Variants in HPS1 observed in about 807,000 individuals in gnomAD.
The protein encoded by HPS1 is HPS1 biogenesis of lysosomal organelles complex 3 subunit 1, also known as BLOC-3 complex member HPS1.
Under a neutral mutation model 90.6 loss-of-function variants are expected in HPS1, and 59 were observed. That is an observed-to-expected ratio of 0.65 (90% CI 0.53 to 0.81). HPS1 has a LOEUF of 0.81. HPS1 is among the 30% of genes least tolerant of loss of function. The pLI is 0.00. For synonymous variants in HPS1, 388 were observed against 384.4 expected (o/e 1.01, Z -0.11); for missense variants, 849 against 896.7 (o/e 0.95, Z 0.68).
At position 98,430,194 on chromosome 10, in the gene HPS1, T is replaced by C. The variant is rs183289608; in HGVS notation, c.769-305A>G. 4.6e-5 allele frequency among the ~76,000 whole-genome samples: 7 copies of C among 152,288 alleles called. No individual in the cohort carries two copies. In the East Asian group the frequency reaches 1.4e-3, roughly 29 times the overall value. On this transcript the variant is annotated intron_variant, in intron 8 of 19. Transcript: ENST00000361490. ...TCACTATGCCCCAGGCAGTGCCAGG[T>C]TCTGTGGGAACCACCCCTTTTGTCC...
At chr10:98,428,650 C>T (rs565262015) in intron 10 of HPS1, among the ~76,000 whole-genome samples, 6 of 151,816 alleles carry the variant, frequency 4.0e-5, no homozygotes, top group Middle Eastern at 7.0e-3. Context: ...CTCCTGAAAC[C>T]CTGGCCTTCT....
At chr10:98,441,259 A>G (rs1316567648) in intron 3 of HPS1, among the ~76,000 whole-genome samples, 4 of 152,256 alleles carry the variant, frequency 2.6e-5, no homozygotes, top group African/African-American at 9.6e-5. Context: ...TGTAGAGTGG[A>G]AATTATGTAA....
chr10:98,443,838 G>T (rs1337943156), intron 2 of HPS1, among the ~76,000 whole-genome samples: 1 of 152,150 alleles, frequency 6.6e-6, no homozygotes, highest in Non-Finnish European at 1.5e-5. Flanking sequence ...TTCGAGACCA[G>T]CCTGGCCAAC....
rs759073147 is a variant in HPS1, at chr10:98,417,637, G to A, written c.2030C>T (p.Thr677Ile). ...LLALHLSVIP[T>I]DLLVQQAGQL... Reference sequence around the variant, plus strand: ...GCCGGCCTGCTGCACCAGCAGGTCAGTGGGGATGACAGACAGGTGCAGGGC... The same window carrying A: ...GCCGGCCTGCTGCACCAGCAGGTCAATGGGGATGACAGACAGGTGCAGGGC... Residue 677 changes from threonine to isoleucine, a missense_variant, in exon 20 of 20, where the codon ACT becomes ATT. Transcript: ENST00000361490. This position sits in a 1 kb window ranked among gnomAD's most constrained non-coding sequence, Gnocchi z 4.2. The A allele has an allele frequency of 6.2e-6, 10 of 1,613,702 alleles. No individual in the cohort carries two copies. Among genetic ancestry groups the A allele is most frequent in the Non-Finnish European group, 8.5e-6 (10 of 1,179,954 alleles).
intron 3 of HPS1, among the ~76,000 whole-genome samples, chr10:98,440,244 C>A (rs969327147): frequency 6.6e-6 from 1 of 152,134 alleles, no homozygotes; most frequent in African/African-American, 2.4e-5. Flanking sequence ...AGTACAATAT[C>A]TTTGAATGGC....
rs549043987 is a variant in HPS1, at chr10:98,445,632, G to C, written c.-105-228C>G. On this transcript the variant is annotated intron_variant, in intron 1 of 19. Coordinates refer to ENST00000361490, the MANE Select transcript of HPS1 (RefSeq NM_000195.5). This position sits in a 1 kb window ranked among gnomAD's most constrained non-coding sequence, Gnocchi z 4.5. ...TTGCACAGAGCAGGTGCCCACTTTT[G>C]TTCCTTCCTCCTTTGTTCCCATGAA... Among the ~76,000 whole-genome samples the C allele has an allele frequency of 6.6e-6, 1 of 152,278 alleles. No homozygotes were observed. The highest frequency in any genetic ancestry group is 6.5e-5 in the Admixed American group (1 of 15,310).
chr10:98,420,040 C>T lies in HPS1; in HGVS notation c.1857+5G>A, dbSNP rs1844648208. 1.0e-5 allele frequency: 16 copies of T among 1,593,990 alleles called. No individual in the cohort carries two copies. The highest frequency in any genetic ancestry group is 1.4e-5 in the Non-Finnish European group (16 of 1,161,596). On this transcript the variant is annotated splice_donor_5th_base_variant and intron_variant, in intron 18 of 19. Transcript: ENST00000361490. ...GTCCTGGCCCAGGGACTCAGCCTCACCTACCATGTCATTCTCGAACCACAG... is the reference window on the plus strand; with the variant it reads ...GTCCTGGCCCAGGGACTCAGCCTCATCTACCATGTCATTCTCGAACCACAG...
chr10:98,417,213 A>G lies in HPS1; in HGVS notation c.*351T>C, dbSNP rs1844221726. 1 of 186,360 alleles carries G rather than the reference A, an allele frequency of 5.4e-6. No homozygotes were observed. Among genetic ancestry groups the G allele is most frequent in the Non-Finnish European group, 1.1e-5 (1 of 90,610 alleles). The allele number at this position is 186,360 out of a possible 1,614,324, so 11.5% of individuals were successfully genotyped here. On this transcript the variant is annotated 3_prime_UTR_variant, in exon 20 of 20. Coordinates refer to ENST00000361490, the MANE Select transcript of HPS1 (RefSeq NM_000195.5). The surrounding 1 kb of genome is among the most constrained non-coding windows in gnomAD (Gnocchi z 4.2). ...GCACCTTTTACCTGGGGTAGGAGAG[A>G]GCTTGCTGGGTGGGCTTCCTCCACG...
At chr10:98,434,553 G>A (rs1847014938) in intron 5 of HPS1, among the ~76,000 whole-genome samples, 1 of 151,454 alleles carries the variant, frequency 6.6e-6, no homozygotes, top group African/African-American at 2.4e-5. Context: ...ACCTATCTGG[G>A]CTAAAATGAC....
At position 98,431,234 on chromosome 10, in the gene HPS1, G is replaced by A. The variant is rs757374077; in HGVS notation, c.565C>T (p.Arg189Trp). 31 of 1,613,848 alleles carry A rather than the reference G, an allele frequency of 1.9e-5. No individual in the cohort carries two copies. Among genetic ancestry groups the A allele is most frequent in the African/African-American group, 6.7e-5 (5 of 74,940 alleles). ...GTGTTGACAGCCTGGATGACGTGCC[G>A]CTCCAGCGCCTCTATGCACAGCTCA... ...LCELCIEALE[R>W]HVIQAVNTSP... Residue 189 changes from arginine to tryptophan, a missense_variant, in exon 7 of 20, where the codon CGG becomes TGG. By Grantham distance (101) the Arg-to-Trp change is moderately radical. Coordinates refer to ENST00000361490, the MANE Select transcript of HPS1 (RefSeq NM_000195.5).
rs1427987687 is a variant in HPS1 at position 98,417,481 on chromosome 10, C to G, written c.*83G>C. 3 of 1,302,474 alleles carry G rather than the reference C, an allele frequency of 2.3e-6. No individual in the cohort carries two copies. The Admixed American group carries it at 6.2e-5, about 27-fold the overall frequency. 80.7% of individuals were successfully genotyped at this position (1,302,474 alleles called of 1,614,324 possible). The stretch of plus-strand genomic sequence containing the variant: ...CTATCCTCAGGATGGCCACTGCAGA[C>G]AGGAGGCTCTCGTCATGGGGAACAG... On this transcript the variant is annotated 3_prime_UTR_variant, in exon 20 of 20. Coordinates refer to ENST00000361490, the MANE Select transcript of HPS1 (RefSeq NM_000195.5). This position sits in a 1 kb window ranked among gnomAD's most constrained non-coding sequence, Gnocchi z 4.2.
At chr10:98,429,458 C>G (rs999596163) in intron 10 of HPS1, 115 bp downstream of exon 10, 2 of 1,584,666 alleles carry the variant, frequency 1.3e-6, no homozygotes, top group Admixed American at 3.6e-5. Flanking sequence ...AACACGGGTA[C>G]CTGCACTCAA....
Position 98,416,563 on chromosome 10 carries a change from C to T in HPS1, c.*1001G>A, listed in dbSNP as rs190211350. The T allele has an allele frequency of 6.6e-6, 1 of 152,406 alleles. No individual in the cohort carries two copies. Among genetic ancestry groups the T allele is most frequent in the African/African-American group, 2.4e-5 (1 of 41,450 alleles). The allele number at this position is 152,406 out of a possible 1,614,324, so 9.4% of individuals were successfully genotyped here. The stretch of plus-strand genomic sequence containing the variant: ...TGCAAGGAAGAGATCAGTCTTTGAG[C>T]AAATTTTGGCTCAAGACTAAAGACA... On this transcript the variant is annotated 3_prime_UTR_variant, in exon 20 of 20. Coordinates refer to ENST00000361490, the MANE Select transcript of HPS1 (RefSeq NM_000195.5).
intron 2 of HPS1, among the ~76,000 whole-genome samples, chr10:98,444,542 G>A (rs1016508204): frequency 1.3e-5 from 2 of 152,160 alleles, no homozygotes; most frequent in African/African-American, 2.4e-5. Flanking sequence ...TGGTATGTGC[G>A]CTAAGCCATG....
At chr10:98,434,359 TAG>T in intron 5 of HPS1, among the ~76,000 whole-genome samples, 1 of 151,514 alleles carries the variant, frequency 6.6e-6, no homozygotes, top group East Asian at 1.9e-4. Flanking sequence ...CAAAGCCAGC[TAG>T]AGAGAGCCAG....
chr10:98,436,800 A>T (rs1165751377), intron 3 of HPS1, among the ~76,000 whole-genome samples: 1 of 152,240 alleles, frequency 6.6e-6, no homozygotes, highest in Admixed American at 6.5e-5. Context: ...GGAGCTGGGG[A>T]AGTCTACAAG....
rs139937548 is a variant in HPS1 at position 98,429,821 on chromosome 10, C to T, written c.837G>A (p.Thr279=). 6.2e-6 allele frequency: 10 copies of T among 1,613,634 alleles called. No individual in the cohort carries two copies. Among genetic ancestry groups the T allele is most frequent in the African/African-American group, 4.0e-5 (3 of 74,936 alleles). Residue 279 remains threonine (T), a synonymous_variant, in exon 9 of 20, where the codon ACG becomes ACA. Transcript: ENST00000361490. ...PVQQAWSPHS[T]GPTGGSSAET... ...CTGCAGAGCTCCCCCCAGTTGGGCC[C>T]GTGGAGTGAGGGCTCCAGGCCTGCT...
chr10:98,415,009 C>A, downstream of HPS1: 1 of 1,613,218 alleles, frequency 6.2e-7, no homozygotes, highest in Non-Finnish European at 8.5e-7. Context: ...ACCACTTTAC[C>A]TGCTCCTATC....
At chr10:98,426,438 G>T (rs553193308) in intron 11 of HPS1, among the ~76,000 whole-genome samples, 2 of 152,362 alleles carry the variant, frequency 1.3e-5, no homozygotes, top group East Asian at 1.9e-4. Flanking sequence ...AATGGGCAAG[G>T]CTCCAGCCTT....
Sources: allele counts gnomAD v4.1 joint callset (sites outside exome capture counted in the v4.1 genomes callset), GRCh38; gene constraint gnomAD v4.1.1; non-coding constraint Gnocchi (gnomAD v3.1); transcripts MANE v1.5; gene names NCBI Gene and HGNC (gene_info 2026-07-23, HGNC 2026-07-21).